Variants in MS4A4E observed in about 807,000 individuals in gnomAD.
MS4A4E encodes the protein putative membrane-spanning 4-domains subfamily A member 4E.
MS4A4E carries 23 observed loss-of-function variants against 13.3 expected under a neutral mutation model. That is an observed-to-expected ratio of 1.73 (90% confidence interval 1.25 to 2.45). The LOEUF (loss-of-function observed/expected upper bound fraction) is 2.45. Among genes scored for constraint, MS4A4E ranks in the 30% most tolerant of loss-of-function variants. MS4A4E has a pLI of 0.00. For synonymous variants in MS4A4E, 36 were observed against 45.6 expected, an observed-to-expected ratio of 0.79 and a Z score of 0.85; for missense variants, 144 against 131.2, an observed-to-expected ratio of 1.10 and a Z score of -0.48.
chr11:60,208,008 C>T (rs1174594394), intron 6 of MS4A4E, among the ~76,000 whole-genome samples: 2 of 152,144 alleles, frequency 1.3e-5, no homozygotes, highest in East Asian at 3.8e-4. Context: ...GAAATATTTT[C>T]TTATCTGGAT....
chr11:60,240,815 T>A (rs893839655), intron 1 of MS4A4E, among the ~76,000 whole-genome samples: 1 of 152,124 alleles, frequency 6.6e-6, no homozygotes, highest in African/African-American at 2.4e-5. Flanking sequence ...TTTTGCATAG[T>A]TTCTGTCTTC....
At chr11:60,222,064 G>A (rs1047058318) in intron 3 of MS4A4E, among the ~76,000 whole-genome samples, 1 of 152,160 alleles carries the variant, frequency 6.6e-6, no homozygotes, top group Non-Finnish European at 1.5e-5. Flanking sequence ...TTTGCCAGCA[G>A]CAAAGACCAG....
chr11:60,240,136 G>A (rs1488232082), intron 1 of MS4A4E, among the ~76,000 whole-genome samples: 8 of 152,204 alleles, frequency 5.3e-5, no homozygotes, highest in African/African-American at 1.9e-4. Flanking sequence ...CCCTAATCAA[G>A]AGAGGCAAGA....
intron 6 of MS4A4E, among the ~76,000 whole-genome samples, chr11:60,208,165 C>A (rs1325772958): frequency 6.6e-6 from 1 of 152,158 alleles, no homozygotes; most frequent in Non-Finnish European, 1.5e-5. Flanking sequence ...AGATGGGATA[C>A]AAGTCCCGTA....
chr11:60,202,937 T>C (rs1168799000), intron 8 of MS4A4E, among the ~76,000 whole-genome samples: 2 of 152,342 alleles, frequency 1.3e-5, no homozygotes, highest in Non-Finnish European at 1.5e-5. Flanking sequence ...TATTCTGGTA[T>C]TAAATTTGAA....
At chr11:60,232,305 A>G (rs1273094790) in intron 1 of MS4A4E, among the ~76,000 whole-genome samples, 3 of 150,306 alleles carry the variant, frequency 2.0e-5, no homozygotes, top group African/African-American at 7.3e-5. Context: ...ACACACACAC[A>G]CACACACACA....
intron 1 of MS4A4E, among the ~76,000 whole-genome samples, chr11:60,241,931 C>T (rs1297112370): frequency 6.6e-6 from 1 of 152,132 alleles, no homozygotes; most frequent in East Asian, 1.9e-4. Flanking sequence ...CTTCTATTGG[C>T]CCCAGTCTCC....
intron 3 of MS4A4E, among the ~76,000 whole-genome samples, chr11:60,221,821 T>C (rs2084273635): frequency 6.6e-6 from 1 of 152,212 alleles, no homozygotes; most frequent in African/African-American, 2.4e-5. Context: ...TATTTGTATT[T>C]CATGTGAGTG....
intron 1 of MS4A4E, among the ~76,000 whole-genome samples, chr11:60,242,494 C>A (rs1208804184): frequency 6.6e-6 from 1 of 152,158 alleles, no homozygotes; most frequent in African/African-American, 2.4e-5. Context: ...CCTGCCTGTG[C>A]CCTACTCCAT....
intron 4 of MS4A4E, among the ~76,000 whole-genome samples, chr11:60,213,516 C>T (rs908961516): frequency 1.3e-5 from 2 of 152,068 alleles, no homozygotes; most frequent in East Asian, 1.9e-4. Flanking sequence ...TTATTTTTCT[C>T]GGTTGTGTAT....
rs1051255402 is a variant in MS4A4E at position 60,201,862 on chromosome 11, T to C, written c.677A>G (p.Asn226Ser). 34 of 198,558 alleles carry C rather than the reference T, an allele frequency of 1.7e-4. 2 individuals are homozygous for C. Among genetic ancestry groups the C allele is most frequent in the African/African-American group, 5.5e-4 (23 of 41,932 alleles). 12.3% of individuals were successfully genotyped at this position (198,558 alleles called of 1,614,324 possible). The change falls in exon 9 of 9, where the codon AAT (asparagine) becomes AGT (serine). Residue 226 changes from asparagine (N) to serine (S), a missense_variant. By Grantham distance (46) the Asn-to-Ser change is conservative. This residue lies in a region of MS4A4E where 21 missense variants were observed against 25.1 expected (regional missense o/e 0.84). Transcript: ENST00000651255. ...LRIESIYRVL[N>S]GAQAGVQWRD... Reference sequence around the variant, plus strand: ...CCACTGCACTCCAGCCTGGGCACCATTGAGCACTCGATAAATACTTTTTTA... The same window carrying C: ...CCACTGCACTCCAGCCTGGGCACCACTGAGCACTCGATAAATACTTTTTTA...
chr11:60,233,822 G>A (rs1051615325), intron 1 of MS4A4E, among the ~76,000 whole-genome samples: 1 of 152,202 alleles, frequency 6.6e-6, no homozygotes, highest in Admixed American at 6.5e-5. Flanking sequence ...GGAGCCTTGG[G>A]AGTGGGGCTA....
chr11:60,237,105 C>T (rs926166997), intron 1 of MS4A4E, among the ~76,000 whole-genome samples: 1 of 152,170 alleles, frequency 6.6e-6, no homozygotes, highest in African/African-American at 2.4e-5. Flanking sequence ...TCCCAGCCTC[C>T]ACCCTCTAAT....
At chr11:60,240,350 C>T (rs1277564961) in intron 1 of MS4A4E, among the ~76,000 whole-genome samples, 1 of 152,212 alleles carries the variant, frequency 6.6e-6, no homozygotes, top group African/African-American at 2.4e-5. Context: ...CCCATCTCCT[C>T]GTGCCAAGCC....
At chr11:60,231,982 G>A (rs1000660038) in intron 1 of MS4A4E, among the ~76,000 whole-genome samples, 3 of 149,260 alleles carry the variant, frequency 2.0e-5, no homozygotes, top group Non-Finnish European at 3.0e-5. Context: ...AAGATAAAGT[G>A]CAAAAAGTGA....
intron 5 of MS4A4E, among the ~76,000 whole-genome samples, chr11:60,211,485 A>C (rs1217945528): frequency 1.3e-5 from 2 of 152,194 alleles, no homozygotes; most frequent in African/African-American, 4.8e-5. Flanking sequence ...AAGAGTGTTG[A>C]GTTTCCACAT....
intron 5 of MS4A4E, among the ~76,000 whole-genome samples, chr11:60,211,377 G>A (rs1352150469): frequency 6.6e-6 from 1 of 152,200 alleles, no homozygotes; most frequent in Non-Finnish European, 1.5e-5. Flanking sequence ...GACACCTCAA[G>A]CGGTTATTTT....
At chr11:60,212,902 G>C (rs1189291938) in intron 5 of MS4A4E, among the ~76,000 whole-genome samples, 72 bp downstream of exon 5, 1 of 152,162 alleles carries the variant, frequency 6.6e-6, no homozygotes, top group Non-Finnish European at 1.5e-5. Flanking sequence ...GATAATTATT[G>C]TTGTTGCCAG....
chr11:60,214,635 T>A (rs1410779489), intron 3 of MS4A4E, 21 bp from the exon 4 acceptor site: 6 of 1,477,884 alleles, frequency 4.1e-6, no homozygotes, highest in African/African-American at 2.8e-5. Context: ...AAAATAAGAA[T>A]GAGAGAAAAA....
Sources: allele counts gnomAD v4.1 joint callset (sites outside exome capture counted in the v4.1 genomes callset), GRCh38; gene constraint gnomAD v4.1.1; regional missense constraint gnomAD v4.1.1; transcripts MANE v1.5; gene names NCBI Gene and HGNC (gene_info 2026-07-23, HGNC 2026-07-21).